MNAT1: variants seen among roughly 807,000 people sequenced by gnomAD.
MNAT1 encodes the protein MNAT1 component of CDK activating kinase, also known as CDK-activating kinase assembly factor MAT1.
A neutral mutation model predicts 42.0 loss-of-function variants in MNAT1; 43 were observed. The ratio of observed to expected loss-of-function variants is 1.02; its 90% confidence interval spans 0.80 to 1.32. MNAT1 has a LOEUF of 1.32. Among genes scored for constraint, MNAT1 ranks in the 40% most tolerant of loss-of-function variants. The pLI is 0.00. For synonymous variants in MNAT1, 118 were observed against 120.0 expected, an observed-to-expected ratio of 0.98 and a Z score of 0.11; for missense variants, 306 against 350.4, an observed-to-expected ratio of 0.87 and a Z score of 1.01.
intron 1 of MNAT1, among the ~76,000 whole-genome samples, chr14:60,795,714 C>A (rs983014910): frequency 6.6e-6 from 1 of 152,178 alleles, no homozygotes; most frequent in Non-Finnish European, 1.5e-5. Context: ...TCAGCTAGCA[C>A]CTCTTTCTTG....
At chr14:60,937,104 T>A (rs1168835441) in intron 7 of MNAT1, among the ~76,000 whole-genome samples, 1 of 152,070 alleles carries the variant, frequency 6.6e-6, no homozygotes, top group African/African-American at 2.4e-5. Context: ...TTGTTTGAGT[T>A]CATTGTAGAT....
intron 7 of MNAT1, among the ~76,000 whole-genome samples, chr14:60,965,066 G>T (rs1286444432): frequency 6.6e-6 from 1 of 152,092 alleles, no homozygotes; most frequent in Non-Finnish European, 1.5e-5. Flanking sequence ...CAGCCCTAGA[G>T]ATCAAAAACA....
At chr14:60,798,209 A>G in intron 3 of MNAT1, 49 bp downstream of exon 3, 1 of 964,760 alleles carries the variant, frequency 1.0e-6, no homozygotes, top group Non-Finnish European at 1.6e-6. Flanking sequence ...ATGTGCTTTT[A>G]TCTTTTAAAT....
intron 6 of MNAT1, among the ~76,000 whole-genome samples, chr14:60,864,357 A>G (rs1042641494): frequency 6.6e-6 from 1 of 152,014 alleles, no homozygotes; most frequent in African/African-American, 2.4e-5. Flanking sequence ...TTTCTGCTAT[A>G]TCTTCACAGT....
intron 1 of MNAT1, among the ~76,000 whole-genome samples, chr14:60,785,883 A>G (rs1330700040): frequency 6.6e-6 from 1 of 152,148 alleles, no homozygotes; most frequent in Non-Finnish European, 1.5e-5. Context: ...TAGTTGTTAT[A>G]TTTTATTCTA....
intron 6 of MNAT1, among the ~76,000 whole-genome samples, chr14:60,859,441 C>G (rs900007599): frequency 6.6e-6 from 1 of 152,216 alleles, no homozygotes; most frequent in East Asian, 1.9e-4. Flanking sequence ...TCATGCTACT[C>G]TAATTTGAGT....
At chr14:60,862,767 A>C (rs544350489) in intron 6 of MNAT1, among the ~76,000 whole-genome samples, 1 of 152,338 alleles carries the variant, frequency 6.6e-6, no homozygotes, top group African/African-American at 2.4e-5. Context: ...ATACAGATTA[A>C]AAATAATTTC....
At chr14:60,939,860 G>C (rs2036101983) in intron 7 of MNAT1, among the ~76,000 whole-genome samples, 1 of 152,002 alleles carries the variant, frequency 6.6e-6, no homozygotes, top group African/African-American at 2.4e-5. Context: ...TTATTGTGTG[G>C]GAGTCTAAGT....
At chr14:60,822,957 A>G (rs1399245053) in intron 6 of MNAT1, among the ~76,000 whole-genome samples, 1 of 152,046 alleles carries the variant, frequency 6.6e-6, no homozygotes, top group Admixed American at 6.6e-5. Flanking sequence ...GGGTTTCACC[A>G]TGTTGCCCAG....
At chr14:60,869,041 T>TATATATATATATA (rs373998263) in intron 6 of MNAT1, among the ~76,000 whole-genome samples, 58 of 92,746 alleles carry the variant, frequency 6.3e-4, no homozygotes, top group South Asian at 1.4e-3. Context: ...TATATATATA[T>TATATATATATATA]TTTTTTTTTT....
chr14:60,769,162 C>G (rs1169849614), intron 1 of MNAT1, among the ~76,000 whole-genome samples: 1 of 151,926 alleles, frequency 6.6e-6, no homozygotes, highest in Non-Finnish European at 1.5e-5. Flanking sequence ...TTTTGTCATT[C>G]TTTTTCTTTT....
intron 7 of MNAT1, among the ~76,000 whole-genome samples, chr14:60,892,951 T>A (rs4151313): frequency 6.6e-6 from 1 of 152,104 alleles, no homozygotes. Flanking sequence ...AAATTATTTT[T>A]TTAAATGTGT....
In MNAT1 at chr14:60,798,114, T is replaced by C. The variant is rs369430026; in HGVS notation, c.270T>C (p.Pro90=). 6 of 1,515,328 alleles carry C rather than the reference T, an allele frequency of 4.0e-6. No homozygotes were observed. The African/African-American group carries it at 5.5e-5, about 14-fold the overall frequency. 93.9% of individuals were successfully genotyped at this position (1,515,328 alleles called of 1,614,324 possible). The change falls in exon 3 of 8, where the codon CCT becomes CCC. Residue 90 remains proline (P), a synonymous_variant. Coordinates refer to ENST00000261245, the MANE Select transcript of MNAT1 (RefSeq NM_002431.4). The stretch of plus-strand genomic sequence containing the variant: ...ACAATAAAAGGGAAGAAGATTTTCC[T>C]AGTCTAAGAGAATACAATGATTTCT... The part of the protein sequence containing the change: ...KIYNKREEDF[P]SLREYNDFLE...
chr14:60,928,003 G>C (rs1474039395), intron 7 of MNAT1, among the ~76,000 whole-genome samples: 1 of 152,168 alleles, frequency 6.6e-6, no homozygotes, highest in East Asian at 1.9e-4. Context: ...AACCCCAAAA[G>C]ATCCATCATG....
In MNAT1 at chr14:60,738,898, T is replaced by C. The variant is rs60866925; in HGVS notation, c.89+3947T>C. The stretch of plus-strand genomic sequence containing the variant: ...TTGAGTTTTTATGGCATATATTTCA[T>C]GGGATTGAATATAGGCATTTTTATA... On this transcript the variant is annotated intron_variant, in intron 1 of 7. Transcript: ENST00000261245. 3.5e-3 allele frequency among the ~76,000 whole-genome samples: 536 copies of C among 152,302 alleles called. 7 individuals carry two copies. Among genetic ancestry groups the C allele is most frequent in the African/African-American group, 0.012 (510 of 41,564 alleles).
chr14:60,805,708 G>A (rs2032347494), intron 3 of MNAT1, among the ~76,000 whole-genome samples: 1 of 152,112 alleles, frequency 6.6e-6, no homozygotes, highest in African/African-American at 2.4e-5. Context: ...TGCATTTAAA[G>A]CTCCTCTGTG....
chr14:60,967,710 G>A (rs2036707160), intron 7 of MNAT1, among the ~76,000 whole-genome samples: 1 of 152,112 alleles, frequency 6.6e-6, no homozygotes, highest in African/African-American at 2.4e-5. Context: ...TTCCTTTCCT[G>A]CAAGGAATGA....
intron 3 of MNAT1, among the ~76,000 whole-genome samples, chr14:60,799,876 A>T (rs1054801945): frequency 6.6e-6 from 1 of 152,124 alleles, no homozygotes; most frequent in Non-Finnish European, 1.5e-5. Context: ...TTTCTTTACC[A>T]AAATATAGAA....
At chr14:60,767,064 A>G (rs1055128748) in intron 1 of MNAT1, among the ~76,000 whole-genome samples, 7 of 152,216 alleles carry the variant, frequency 4.6e-5, no homozygotes, top group Admixed American at 3.9e-4. Context: ...GGATTCAGAG[A>G]TCTGTTTCTC....
Sources: allele counts gnomAD v4.1 joint callset (sites outside exome capture counted in the v4.1 genomes callset), GRCh38; gene constraint gnomAD v4.1.1; transcripts MANE v1.5; gene names NCBI Gene and HGNC (gene_info 2026-07-23, HGNC 2026-07-21).